The following TBC1D30 variants were observed in gnomAD, a reference collection of about 807,000 sequenced individuals.
The protein encoded by TBC1D30 is TBC1 domain family member 30.
TBC1D30 carries 31 observed loss-of-function variants against 63.2 expected under a neutral mutation model. The observed-to-expected ratio is 0.49, with a 90% CI of 0.37 to 0.66. The LOEUF (loss-of-function observed/expected upper bound fraction) is 0.66, where lower values mean the gene tolerates loss of function less well. Ranked by LOEUF, TBC1D30 falls within the 30% of genes least tolerant of loss-of-function variation. The probability of loss-of-function intolerance (pLI) is 0.00; values close to 1 mark genes in which losing one functional copy is unlikely to be tolerated. For synonymous variants in TBC1D30, 307 were observed against 361.5 expected (o/e 0.85, Z 1.71); for missense variants, 810 against 953.6 (o/e 0.85, Z 1.98).
At chr12:64,832,625 A>G (rs963679142) in intron 5 of TBC1D30, among the ~76,000 whole-genome samples, 1 of 152,244 alleles carries the variant, frequency 6.6e-6, no homozygotes, top group Non-Finnish European at 1.5e-5. Context: ...ATTATCTTAC[A>G]GTTTCTTTGC....
chr12:64,781,653 G>A (rs1871296591), intron 1 of TBC1D30, among the ~76,000 whole-genome samples: 1 of 151,378 alleles, frequency 6.6e-6, no homozygotes, highest in Admixed American at 6.6e-5. Context: ...CCTAGAGGGC[G>A]CCGCCAGAAT....
intron 1 of TBC1D30, among the ~76,000 whole-genome samples, chr12:64,784,117 TA>T (rs1394492932): frequency 2.6e-5 from 4 of 151,966 alleles, no homozygotes; most frequent in Non-Finnish European, 5.9e-5. Flanking sequence ...TGTTTAAAAT[TA>T]GGGGGACAGG....
In TBC1D30 at chr12:64,832,232, C is replaced by G; in HGVS notation, c.522C>G (p.Tyr174Ter). The G allele has an allele frequency of 6.5e-7, 1 of 1,536,132 alleles. No individual in the cohort carries two copies. The highest frequency in any genetic ancestry group is 8.7e-7 in the Non-Finnish European group (1 of 1,146,926). ...CCCGATGGAACAAAACTGTTGGGTA[C>G]TGCCAAGGCTTTAACATCCTGGCTG... ...AYARWNKTVG[Y>*]CQGFNILAAL... The change falls in exon 5 of 12, where the codon TAC becomes TAG. Residue 174 changes from tyrosine (Y) to a stop codon, truncating the protein, a stop_gained. Coordinates refer to ENST00000539867, the MANE Select transcript of TBC1D30 (RefSeq NM_015279.2). LOFTEE classifies it high-confidence loss of function.
At chr12:64,843,963 AT>A (rs1876130187) in intron 8 of TBC1D30, among the ~76,000 whole-genome samples, 1 of 151,786 alleles carries the variant, frequency 6.6e-6, no homozygotes, top group South Asian at 2.1e-4. Context: ...CTAATTTTTT[AT>A]TTTTATTTTT....
At chr12:64,839,719 A>G (rs1407447225) in intron 7 of TBC1D30, among the ~76,000 whole-genome samples, 1 of 152,140 alleles carries the variant, frequency 6.6e-6, no homozygotes, top group African/African-American at 2.4e-5. Context: ...AGATCCACCA[A>G]CTATCGGCCG....
At chr12:64,772,748 A>G (rs1870952233) in intron 1 of TBC1D30, among the ~76,000 whole-genome samples, 1 of 152,092 alleles carries the variant, frequency 6.6e-6, no homozygotes, top group African/African-American at 2.4e-5. Context: ...CTTTTAAAAC[A>G]ATGTCACTGT....
At chr12:64,872,227 C>T (rs929244853) in intron 11 of TBC1D30, among the ~76,000 whole-genome samples, 1 of 152,166 alleles carries the variant, frequency 6.6e-6, no homozygotes, top group Admixed American at 6.5e-5. Flanking sequence ...GGGATTTCAC[C>T]ATGTTGGCCA....
At chr12:64,819,412 T>C (rs1873752370) in intron 2 of TBC1D30, among the ~76,000 whole-genome samples, 1 of 115,130 alleles carries the variant, frequency 8.7e-6, no homozygotes, top group African/African-American at 4.5e-5. Context: ...ACTACTTTTT[T>C]TTTTTTTTTT....
At position 64,876,436 on chromosome 12, in the gene TBC1D30, A is replaced by G. The variant is rs17764513; in HGVS notation, c.*648A>G. The stretch of plus-strand genomic sequence containing the variant: ...AAACCTTTCATCTGTTGAAATTTCA[A>G]TCGATAACCCAGCTGAAGATCTTAT... On this transcript the variant is annotated 3_prime_UTR_variant, in exon 12 of 12. Transcript: ENST00000539867. 0.065 allele frequency: 10,598 copies of G among 162,396 alleles called. 460 individuals carry two copies. Among genetic ancestry groups the G allele is most frequent in the Non-Finnish European group, 0.095 (7,066 of 74,238 alleles). The allele number at this position is 162,396 out of a possible 1,614,324, so 10.1% of individuals were successfully genotyped here.
At chr12:64,873,728 G>A (rs1418560570) in intron 11 of TBC1D30, among the ~76,000 whole-genome samples, 2 of 152,172 alleles carry the variant, frequency 1.3e-5, no homozygotes, top group African/African-American at 2.4e-5. Flanking sequence ...AACTGGAGAG[G>A]TTGAGGAACT....
chr12:64,763,287 A>C (rs1290023944), intron 1 of TBC1D30, among the ~76,000 whole-genome samples: 13 of 152,178 alleles, frequency 8.5e-5, no homozygotes, highest in Admixed American at 8.5e-4. Context: ...AATCGAAAGA[A>C]ATTTGAATAT....
chr12:64,807,051 C>T (rs1565650595), intron 2 of TBC1D30, among the ~76,000 whole-genome samples: 2 of 152,088 alleles, frequency 1.3e-5, no homozygotes, highest in Non-Finnish European at 2.9e-5. Context: ...GCTGGTTTGG[C>T]TGTGTCCCCA....
At chr12:64,836,814 GACA>G (rs1375904719) in intron 6 of TBC1D30, among the ~76,000 whole-genome samples, 156 bp downstream of exon 6, 3 of 152,120 alleles carry the variant, frequency 2.0e-5, no homozygotes, top group Non-Finnish European at 2.9e-5. Flanking sequence ...AAACAAAACT[GACA>G]ACAACAAAAG....
In TBC1D30 at chr12:64,878,549, A is replaced by G. The variant is rs1484867523; in HGVS notation, c.*2761A>G. 3 of 456,676 alleles carry G rather than the reference A, an allele frequency of 6.6e-6. No homozygotes were observed. The highest frequency in any genetic ancestry group is 4.7e-5 in the Admixed American group (2 of 42,572). The allele number at this position is 456,676 out of a possible 1,614,324, so 28.3% of individuals were successfully genotyped here. The stretch of plus-strand genomic sequence containing the variant: ...CCTGTGGACTGCAGCTGTTTGGGAC[A>G]TTGTATTCCTTTGTTTGTCTCTTGT... On this transcript the variant is annotated 3_prime_UTR_variant, in exon 12 of 12. Transcript: ENST00000539867.
chr12:64,764,945 C>T (rs1340735791), intron 1 of TBC1D30, among the ~76,000 whole-genome samples: 1 of 152,132 alleles, frequency 6.6e-6, no homozygotes, highest in African/African-American at 2.4e-5. Context: ...AGGGGAAAGT[C>T]CTCCTTGATC....
intron 1 of TBC1D30, among the ~76,000 whole-genome samples, chr12:64,763,304 A>C (rs1336518129): frequency 2.6e-5 from 4 of 152,220 alleles, no homozygotes; most frequent in Non-Finnish European, 5.9e-5. Context: ...ATATTTTTCA[A>C]TGAGTTTATA....
chr12:64,834,532 G>C (rs1020430833), intron 5 of TBC1D30, among the ~76,000 whole-genome samples: 26 of 149,340 alleles, frequency 1.7e-4, no homozygotes, highest in African/African-American at 5.2e-4. Flanking sequence ...TCAGCCTCCC[G>C]AGTAGCTGGG....
chr12:64,765,164 T>C (rs963948162), intron 1 of TBC1D30, among the ~76,000 whole-genome samples: 1 of 152,068 alleles, frequency 6.6e-6, no homozygotes, highest in African/African-American at 2.4e-5. Flanking sequence ...TATTCAACAA[T>C]ATGAAATTCA....
rs1441840183 is a variant in TBC1D30, at chr12:64,880,188, T to A, written c.*4400T>A. 3 of 152,328 alleles carry A rather than the reference T, an allele frequency of 2.0e-5. No homozygotes were observed. The highest frequency in any genetic ancestry group is 4.8e-5 in the African/African-American group (2 of 41,464). 9.4% of individuals were successfully genotyped at this position (152,328 alleles called of 1,614,324 possible). ...TGGATGGGAGGCCTTTGCTGGACAG[T>A]GGCTGAAGGCAGAACTGTTGGAGTG... On this transcript the variant is annotated 3_prime_UTR_variant, in exon 12 of 12. Transcript: ENST00000539867.
Sources: gnomAD v4.1 joint callset for allele counts (sites outside exome capture counted in the v4.1 genomes callset) on GRCh38, gnomAD v4.1.1 for gene constraint, MANE v1.5 for transcripts, NCBI Gene and HGNC (gene_info 2026-07-23, HGNC 2026-07-21) for gene names.